Variants in CNTNAP5 observed in about 807,000 individuals in gnomAD.
CNTNAP5 encodes the protein contactin-associated protein-like 5.
In CNTNAP5, 72 loss-of-function variants were observed where a neutral mutation model predicts 150.2. The ratio of observed to expected loss-of-function variants is 0.48; its 90% CI spans 0.40 to 0.58. The LOEUF (loss-of-function observed/expected upper bound fraction) is 0.58. Among genes scored for constraint, CNTNAP5 ranks in the 20% least tolerant of loss-of-function variants. The pLI is 0.00. For synonymous variants in CNTNAP5, 672 were observed against 619.8 expected, an observed-to-expected ratio of 1.08 and a Z score of -1.25; for missense variants, 1,636 against 1,626.2, an observed-to-expected ratio of 1.01 and a Z score of -0.10.
chr2:124,411,037 A>G (rs1691744929), intron 3 of CNTNAP5, among the ~76,000 whole-genome samples: 2 of 152,242 alleles, frequency 1.3e-5, no homozygotes, highest in African/African-American at 4.8e-5. Flanking sequence ...ATAAAAAAAG[A>G]TAAAGGGGAT....
intron 19 of CNTNAP5, among the ~76,000 whole-genome samples, chr2:124,838,097 C>A (rs1014061982): frequency 2.0e-5 from 3 of 152,030 alleles, no homozygotes; most frequent in African/African-American, 7.2e-5. Context: ...AGAATGTCTG[C>A]AAATGTAGCT....
intron 11 of CNTNAP5, among the ~76,000 whole-genome samples, chr2:124,583,221 C>T (rs1696453593): frequency 6.6e-6 from 1 of 152,222 alleles, no homozygotes; most frequent in Admixed American, 6.5e-5. Flanking sequence ...GAGACATGAC[C>T]TCTGGCCCTG....
chr2:124,340,809 G>GTGTATA (rs1553459695), intron 3 of CNTNAP5, among the ~76,000 whole-genome samples: 13 of 142,968 alleles, frequency 9.1e-5, no homozygotes, highest in Non-Finnish European at 3.0e-5. Context: ...ATGTATACAT[G>GTGTATA]TATATATATA....
At chr2:124,862,979 C>A (rs1677557713) in intron 19 of CNTNAP5, among the ~76,000 whole-genome samples, 1 of 152,054 alleles carries the variant, frequency 6.6e-6, no homozygotes, top group Non-Finnish European at 1.5e-5. Flanking sequence ...TTGGGGGAAG[C>A]TTCAGAATAC....
At chr2:124,137,836 A>G (rs1684014123) in intron 1 of CNTNAP5, among the ~76,000 whole-genome samples, 2 of 151,996 alleles carry the variant, frequency 1.3e-5, no homozygotes, top group Non-Finnish European at 2.9e-5. Context: ...CCATGAGCCT[A>G]GAGACTAACA....
intron 19 of CNTNAP5, among the ~76,000 whole-genome samples, chr2:124,848,078 T>G (rs1370443349): frequency 6.6e-6 from 1 of 152,168 alleles, no homozygotes. Flanking sequence ...GTGTAATGGT[T>G]ACCACAATCA....
At chr2:124,734,492 G>C (rs1680341146) in intron 13 of CNTNAP5, among the ~76,000 whole-genome samples, 1 of 151,856 alleles carries the variant, frequency 6.6e-6, no homozygotes, top group Non-Finnish European at 1.5e-5. Context: ...ATGGGAATGG[G>C]GGCTAGCGAA....
At chr2:124,491,691 A>C (rs72966702) in intron 7 of CNTNAP5, among the ~76,000 whole-genome samples, 15,482 of 151,536 alleles carry the variant, frequency 0.1, 1,246 homozygotes, top group African/African-American at 0.2. Context: ...GCCTGTACCA[A>C]TTTACATTAC....
At chr2:124,296,786 C>T (rs1558838779) in intron 3 of CNTNAP5, among the ~76,000 whole-genome samples, 1 of 152,162 alleles carries the variant, frequency 6.6e-6, no homozygotes, top group Non-Finnish European at 1.5e-5. Flanking sequence ...TAAATGTATA[C>T]ACATATATAT....
chr2:124,649,239 A>G (rs369839462), intron 13 of CNTNAP5, among the ~76,000 whole-genome samples: 1 of 152,180 alleles, frequency 6.6e-6, no homozygotes, highest in African/African-American at 2.4e-5. Context: ...CCAGGCTTGC[A>G]GGGCTGATTA....
intron 19 of CNTNAP5, among the ~76,000 whole-genome samples, chr2:124,847,179 C>T (rs1432228012): frequency 1.3e-5 from 2 of 152,124 alleles, no homozygotes; most frequent in African/African-American, 4.8e-5. Context: ...CATAGAGCTC[C>T]CAAAAGCTTC....
chr2:124,251,334 T>G (rs2104779882), intron 3 of CNTNAP5, among the ~76,000 whole-genome samples: 1 of 151,000 alleles, frequency 6.6e-6, no homozygotes, highest in Middle Eastern at 3.4e-3. Flanking sequence ...CTCATAAAAA[T>G]TGGGCTGGAG....
At chr2:124,487,346 G>T (rs1443245179) in intron 7 of CNTNAP5, among the ~76,000 whole-genome samples, 1 of 152,048 alleles carries the variant, frequency 6.6e-6, no homozygotes, top group Non-Finnish European at 1.5e-5. Context: ...CTGAGATGAA[G>T]AACAAAGCTA....
rs542185662 is a variant in CNTNAP5, at chr2:124,840,075, A to G, written c.3218-25231A>G. Among the ~76,000 whole-genome samples the G allele has an allele frequency of 4.3e-3, 649 of 151,874 alleles. 10 individuals are homozygous for G. Among genetic ancestry groups the G allele is most frequent in the African/African-American group, 0.015 (612 of 41,294 alleles). On this transcript the variant is annotated intron_variant, in intron 19 of 23. Coordinates refer to ENST00000682447, the MANE Select transcript of CNTNAP5 (RefSeq NM_001367498.1). ...ACTTAATACGTGTAAGGAAGTGAGG[A>G]GGGGGAATAATAAAGCTTGAGAGGA...
rs374721726 is a variant in CNTNAP5 at position 124,907,123 on chromosome 2, T to C, written c.3655+4023T>C. On this transcript the variant is annotated intron_variant, in intron 22 of 23. Coordinates refer to ENST00000682447, the MANE Select transcript of CNTNAP5 (RefSeq NM_001367498.1). ...GTTGTATGGAACCAAGAAAAGGCAG[T>C]AAATACATTTTAGATGAACTAATGA... Among the ~76,000 whole-genome samples the C allele has an allele frequency of 2.5e-3, 384 of 152,222 alleles. 2 individuals are homozygous for C. Among genetic ancestry groups the C allele is most frequent in the African/African-American group, 8.8e-3 (365 of 41,560 alleles).
At chr2:124,375,048 GCA>G (rs1447435013) in intron 3 of CNTNAP5, among the ~76,000 whole-genome samples, 1 of 151,932 alleles carries the variant, frequency 6.6e-6, no homozygotes, top group Non-Finnish European at 1.5e-5. Flanking sequence ...GGGAAAAGGA[GCA>G]GCTCTTTCTT....
At chr2:124,464,758 GC>G (rs1401013679) in intron 6 of CNTNAP5, among the ~76,000 whole-genome samples, 1 of 152,062 alleles carries the variant, frequency 6.6e-6, no homozygotes, top group Non-Finnish European at 1.5e-5. Context: ...ATTTGTAATG[GC>G]AGAAATTCAT....
At chr2:124,287,014 G>C (rs566182789) in intron 3 of CNTNAP5, among the ~76,000 whole-genome samples, 10 of 152,284 alleles carry the variant, frequency 6.6e-5, no homozygotes, top group African/African-American at 2.4e-4. Context: ...GTATGGGATT[G>C]TCCCTGAGAG....
chr2:124,385,637 T>C (rs1000413018), intron 3 of CNTNAP5, among the ~76,000 whole-genome samples: 1 of 152,230 alleles, frequency 6.6e-6, no homozygotes. Flanking sequence ...GAATCTGCTT[T>C]TACAGATGTT....
Sources: allele counts gnomAD v4.1 joint callset (sites outside exome capture counted in the v4.1 genomes callset), GRCh38; gene constraint gnomAD v4.1.1; transcripts MANE v1.5; gene names NCBI Gene and HGNC (gene_info 2026-07-23, HGNC 2026-07-21).